The following RCAN1 variants were observed in gnomAD, a reference collection of about 807,000 sequenced individuals.
RCAN1 encodes regulator of calcineurin 1, also known as calcipressin-1.
A neutral mutation model predicts 22.9 loss-of-function variants in RCAN1; 11 were observed. The ratio of observed to expected loss-of-function variants is 0.48; its 90% CI spans 0.30 to 0.79. The LOEUF is 0.79. RCAN1 is among the 30% of genes least tolerant of loss of function. RCAN1 has a pLI of 0.06. For missense variants in RCAN1, 291 were observed against 337.8 expected (o/e 0.86, Z 1.09); for synonymous variants, 136 against 142.3 (o/e 0.96, Z 0.32).
intron 3 of RCAN1, among the ~76,000 whole-genome samples, chr21:34,519,188 T>C (rs1403467669): frequency 6.6e-6 from 1 of 152,138 alleles, no homozygotes; most frequent in East Asian, 1.9e-4. Flanking sequence ...GCTCACCACA[T>C]GCTTGTCCAG....
chr21:34,518,355 C>T lies in RCAN1; in HGVS notation c.587-99G>A, dbSNP rs188297212. Reference sequence around the variant, plus strand: ...TCAGGGCTCTGCTGGGCCAGCTGCTCGTGACCATTCGATTGGGCTGAGAGA... The same window carrying T: ...TCAGGGCTCTGCTGGGCCAGCTGCTTGTGACCATTCGATTGGGCTGAGAGA... On this transcript the variant is annotated intron_variant, in intron 3 of 3. Coordinates refer to ENST00000313806, the MANE Select transcript of RCAN1 (RefSeq NM_004414.7). The surrounding 1 kb of genome is among the most constrained non-coding windows in gnomAD (Gnocchi z 4.2). 150 of 1,271,130 alleles carry T rather than the reference C, an allele frequency of 1.2e-4. No homozygotes were observed. The highest frequency in any genetic ancestry group is 7.8e-4 in the African/African-American group (53 of 67,600). 78.7% of individuals were successfully genotyped at this position (1,271,130 alleles called of 1,614,324 possible).
chr21:34,568,006 C>T (rs1987093824), intron 1 of RCAN1, among the ~76,000 whole-genome samples: 1 of 152,234 alleles, frequency 6.6e-6, no homozygotes, highest in Non-Finnish European at 1.5e-5. Context: ...GGGCTCGGCT[C>T]TGGGAGCAGT....
chr21:34,612,483 T>C (rs915538956), intron 1 of RCAN1, among the ~76,000 whole-genome samples: 6 of 152,174 alleles, frequency 3.9e-5, no homozygotes, highest in Non-Finnish European at 7.4e-5. Flanking sequence ...GGCCACTCCA[T>C]CTAAAGTGGC....
chr21:34,565,479 C>T (rs1986967317), intron 1 of RCAN1, among the ~76,000 whole-genome samples: 1 of 152,180 alleles, frequency 6.6e-6, no homozygotes, highest in Admixed American at 6.5e-5. Flanking sequence ...CAAATGGGGG[C>T]TACTGCTCCA....
intron 1 of RCAN1, among the ~76,000 whole-genome samples, chr21:34,563,798 G>T (rs868549637): frequency 0.011 from 1,322 of 119,330 alleles, 14 homozygotes; most frequent in Admixed American, 0.043. Context: ...TATATATAGA[G>T]AGAGAGAGAG....
intron 1 of RCAN1, among the ~76,000 whole-genome samples, chr21:34,572,696 G>A (rs1659920807): frequency 1.3e-5 from 2 of 152,116 alleles, no homozygotes; most frequent in Non-Finnish European, 2.9e-5. Context: ...CTGCTACAAA[G>A]AACTACCCAA....
At chr21:34,545,610 C>T (rs950515734) in intron 1 of RCAN1, among the ~76,000 whole-genome samples, 2 of 152,214 alleles carry the variant, frequency 1.3e-5, no homozygotes, top group African/African-American at 4.8e-5. Flanking sequence ...ACTTCTCCCG[C>T]TGTTTCTCAG....
At chr21:34,565,010 G>A (rs1006693827) in intron 1 of RCAN1, among the ~76,000 whole-genome samples, 1 of 151,248 alleles carries the variant, frequency 6.6e-6, no homozygotes, top group African/African-American at 2.4e-5. Context: ...GACCAGCCTG[G>A]GCAACAAGTG....
At chr21:34,577,021 G>C (rs760118710) in intron 1 of RCAN1, among the ~76,000 whole-genome samples, 3 of 152,192 alleles carry the variant, frequency 2.0e-5, no homozygotes, top group Non-Finnish European at 4.4e-5. Flanking sequence ...TCAGAAGGCC[G>C]GCAGGGGTCA....
chr21:34,533,047 G>A (rs1037682009), intron 1 of RCAN1, among the ~76,000 whole-genome samples: 31 of 149,912 alleles, frequency 2.1e-4, no homozygotes, highest in Admixed American at 4.0e-4. Flanking sequence ...TGCAAGCTCC[G>A]CCTCCCGGGT....
intron 1 of RCAN1, among the ~76,000 whole-genome samples, chr21:34,536,470 C>T (rs559982206): frequency 1.3e-5 from 2 of 152,200 alleles, no homozygotes; most frequent in Non-Finnish European, 1.5e-5. Context: ...CTCATCCCTG[C>T]GCTAAGCAGC....
intron 1 of RCAN1, among the ~76,000 whole-genome samples, chr21:34,572,447 CAG>C: frequency 6.6e-6 from 1 of 152,284 alleles, no homozygotes; most frequent in East Asian, 1.9e-4. Flanking sequence ...AGGAGCTAAT[CAG>C]GGGGCCCCAG....
chr21:34,595,022 A>G (rs1197171602), intron 1 of RCAN1, among the ~76,000 whole-genome samples: 7 of 152,016 alleles, frequency 4.6e-5, no homozygotes, highest in African/African-American at 1.4e-4. Context: ...TGCCTCAGTG[A>G]CTCCATCCAT....
At chr21:34,573,588 A>T (rs1226729523) in intron 1 of RCAN1, among the ~76,000 whole-genome samples, 1 of 152,168 alleles carries the variant, frequency 6.6e-6, no homozygotes, top group Non-Finnish European at 1.5e-5. Context: ...TTATGACCCC[A>T]AGTCTTCAGT....
At chr21:34,563,790 TATATAGAGAGAG>T (rs1986897079) in intron 1 of RCAN1, among the ~76,000 whole-genome samples, 1 of 84,348 alleles carries the variant, frequency 1.2e-5, no homozygotes, top group African/African-American at 5.0e-5. Flanking sequence ...TATATATATA[TATATAGAGAGAG>T]AGAGAGAGAG....
At chr21:34,564,379 G>A (rs1325354701) in intron 1 of RCAN1, among the ~76,000 whole-genome samples, 1 of 152,206 alleles carries the variant, frequency 6.6e-6, no homozygotes, top group Non-Finnish European at 1.5e-5. Context: ...CAGATCCATT[G>A]GTGGAGGAAC....
At chr21:34,571,406 A>G (rs1276263455) in intron 1 of RCAN1, among the ~76,000 whole-genome samples, 2 of 152,252 alleles carry the variant, frequency 1.3e-5, no homozygotes, top group African/African-American at 2.4e-5. Context: ...ACCACTTAAA[A>G]TCAATTAAAT....
intron 1 of RCAN1, among the ~76,000 whole-genome samples, chr21:34,557,466 G>A (rs1178199052): frequency 3.9e-5 from 6 of 152,114 alleles, no homozygotes; most frequent in Admixed American, 2.0e-4. Flanking sequence ...TGCTCAAGTC[G>A]GGGAATGAGT....
intron 1 of RCAN1, among the ~76,000 whole-genome samples, chr21:34,568,199 T>A (rs918820227): frequency 3.9e-5 from 6 of 152,216 alleles, no homozygotes; most frequent in Non-Finnish European, 8.8e-5. Flanking sequence ...CTGGGGCCAC[T>A]TCCACTGACC....
Sources: gnomAD v4.1 joint callset for allele counts (sites outside exome capture counted in the v4.1 genomes callset) on GRCh38, gnomAD v4.1.1 for gene constraint, Gnocchi (gnomAD v3.1) non-coding constraint, MANE v1.5 for transcripts, NCBI Gene and HGNC (gene_info 2026-07-23, HGNC 2026-07-21) for gene names.